Variants in OTUD7A observed in about 807,000 individuals in gnomAD.
OTUD7A encodes OTU deubiquitinase 7A.
Under a neutral mutation model 65.7 loss-of-function variants are expected in OTUD7A, and 12 were observed. The ratio of observed to expected loss-of-function variants is 0.18; its 90% CI spans 0.12 to 0.30. The LOEUF (loss-of-function observed/expected upper bound fraction) is 0.30, where lower values mean the gene tolerates loss of function less well. Among genes scored for constraint, OTUD7A ranks in the 10% least tolerant of loss-of-function variants. OTUD7A has a pLI of 1.00. For missense variants in OTUD7A, 1,148 were observed against 1,304.8 expected (o/e 0.88, Z 1.85); for synonymous variants, 641 against 586.3 (o/e 1.09, Z -1.35).
intron 9 of OTUD7A, among the ~76,000 whole-genome samples, chr15:31,503,003 G>A (rs989729385): frequency 6.6e-6 from 1 of 152,242 alleles, no homozygotes; most frequent in Non-Finnish European, 1.5e-5. Flanking sequence ...AAACTGGGCA[G>A]CTGCACGCTG....
intron 1 of OTUD7A, among the ~76,000 whole-genome samples, chr15:31,788,642 GTGGGTAGGGTACCCATCAC>G (rs1202829094): frequency 2.0e-5 from 3 of 152,212 alleles, no homozygotes; most frequent in Admixed American, 1.3e-4. Flanking sequence ...TGGCCCCAGA[GTGGGTAGGGTACCCATCAC>G]TGGGTGGCAG....
chr15:31,820,484 T>C (rs1456301312), intron 1 of OTUD7A, among the ~76,000 whole-genome samples: 1 of 152,210 alleles, frequency 6.6e-6, no homozygotes, highest in Non-Finnish European at 1.5e-5. Flanking sequence ...ATCGTTATGG[T>C]CAACATATAC....
intron 3 of OTUD7A, among the ~76,000 whole-genome samples, chr15:31,642,918 T>C (rs1239810924): frequency 1.3e-5 from 2 of 152,092 alleles, no homozygotes; most frequent in East Asian, 1.9e-4. Context: ...ATTTCTTCTG[T>C]CTGGGTTTAA....
At chr15:31,735,533 C>CA (rs71113418) in intron 1 of OTUD7A, among the ~76,000 whole-genome samples, 97,591 of 134,548 alleles carry the variant, frequency 0.73, 37,208 homozygotes, top group Middle Eastern at 0.89. Flanking sequence ...AACTCTGTCT[C>CA]AAAAAAAAAA....
intron 1 of OTUD7A, among the ~76,000 whole-genome samples, chr15:31,853,203 A>T (rs1002080731): frequency 5.9e-5 from 9 of 152,218 alleles, no homozygotes; most frequent in Non-Finnish European, 1.3e-4. Flanking sequence ...CATCCGTGCA[A>T]AACAGTGACC....
intron 1 of OTUD7A, among the ~76,000 whole-genome samples, chr15:31,664,722 A>G (rs990285887): frequency 2.0e-5 from 3 of 152,192 alleles, no homozygotes; most frequent in African/African-American, 7.2e-5. Flanking sequence ...TTGCTCGTGA[A>G]ATCCTTGACT....
chr15:31,635,430 C>A (rs1183707462), intron 3 of OTUD7A, among the ~76,000 whole-genome samples: 1 of 152,136 alleles, frequency 6.6e-6, no homozygotes, highest in Non-Finnish European at 1.5e-5. Context: ...ATATTTCCTG[C>A]CTGAAAACAC....
intron 3 of OTUD7A, among the ~76,000 whole-genome samples, chr15:31,641,225 A>C (rs1418363233): frequency 1.3e-5 from 2 of 152,116 alleles, no homozygotes; most frequent in Admixed American, 1.3e-4. Flanking sequence ...TGCCCTGTGA[A>C]GAAGGTGCCT....
chr15:31,559,027 C>G lies in OTUD7A; in HGVS notation c.492G>C (p.Arg164Ser). ...PDLSVYSEDF[R>S]SFIERDLIEQ... ...CGATCAAGTCCCGCTCGATGAAGCT[C>G]CTGAAATCCTCGCTGTACACGCTCA... The change falls in exon 5 of 13, where the codon AGG (arginine) becomes AGC (serine). Residue 164 changes from arginine (R) to serine (S), a missense_variant. Transcript: ENST00000307050. The G allele has an allele frequency of 6.2e-7, 1 of 1,614,228 alleles. No homozygotes were observed. Among genetic ancestry groups the G allele is most frequent in the Non-Finnish European group, 8.5e-7 (1 of 1,180,034 alleles).
intron 7 of OTUD7A, among the ~76,000 whole-genome samples, chr15:31,526,690 G>C (rs2042019534): frequency 6.6e-6 from 1 of 152,202 alleles, no homozygotes; most frequent in Non-Finnish European, 1.5e-5. Context: ...CCACCAACAA[G>C]GGTCATTCTC....
intron 8 of OTUD7A, among the ~76,000 whole-genome samples, chr15:31,515,582 C>T (rs2041834033): frequency 6.6e-6 from 1 of 152,028 alleles, no homozygotes; most frequent in Admixed American, 6.6e-5. Flanking sequence ...ATCTATCTAT[C>T]CATCCATTCA....
At chr15:31,860,677 G>GTATATATACATA (rs1897708047) in intron 1 of OTUD7A, among the ~76,000 whole-genome samples, 17 of 73,284 alleles carry the variant, frequency 2.3e-4, no homozygotes, top group African/African-American at 7.4e-4. Flanking sequence ...ATGTATGTGT[G>GTATATATACATA]TATATATATA....
intron 3 of OTUD7A, among the ~76,000 whole-genome samples, chr15:31,596,047 T>G (rs2141204870): frequency 6.6e-6 from 1 of 152,322 alleles, no homozygotes; most frequent in Admixed American, 6.5e-5. Context: ...CCCACCTAGA[T>G]AATCCAGGAT....
intron 1 of OTUD7A, among the ~76,000 whole-genome samples, chr15:31,667,319 C>G (rs1892348641): frequency 6.6e-6 from 1 of 152,092 alleles, no homozygotes; most frequent in Non-Finnish European, 1.5e-5. Context: ...GTGTTAGGTG[C>G]ACGTATGTTT....
intron 1 of OTUD7A, among the ~76,000 whole-genome samples, chr15:31,743,237 G>A (rs897449246): frequency 6.6e-6 from 1 of 151,916 alleles, no homozygotes; most frequent in Non-Finnish European, 1.5e-5. Context: ...AATTCAAAAT[G>A]CTGAGATAAC....
intron 1 of OTUD7A, among the ~76,000 whole-genome samples, chr15:31,824,542 T>A (rs1478497083): frequency 6.6e-6 from 1 of 152,216 alleles, no homozygotes; most frequent in Non-Finnish European, 1.5e-5. Flanking sequence ...GTTCTAAAGA[T>A]AACAAAAACA....
intron 4 of OTUD7A, among the ~76,000 whole-genome samples, chr15:31,567,552 AG>A (rs1023814577): frequency 3.9e-5 from 6 of 152,252 alleles, no homozygotes; most frequent in Admixed American, 1.3e-4. Flanking sequence ...GAAGAATTCA[AG>A]CAGCCTGAGG....
chr15:31,836,768 G>GA (rs1361082127), intron 1 of OTUD7A, among the ~76,000 whole-genome samples: 1 of 152,154 alleles, frequency 6.6e-6, no homozygotes, highest in African/African-American at 2.4e-5. Flanking sequence ...AACTGTCTCA[G>GA]AAAAAGCATT....
intron 8 of OTUD7A, among the ~76,000 whole-genome samples, chr15:31,519,629 T>C (rs1037969117): frequency 2.0e-5 from 3 of 152,142 alleles, no homozygotes; most frequent in Admixed American, 6.5e-5. Context: ...TTATTCAACA[T>C]AGTACTGGAA....
Sources: allele counts gnomAD v4.1 joint callset (sites outside exome capture counted in the v4.1 genomes callset), GRCh38; gene constraint gnomAD v4.1.1; transcripts MANE v1.5; gene names NCBI Gene and HGNC (gene_info 2026-07-23, HGNC 2026-07-21).